Variants in GLRX3 observed in about 807,000 individuals in gnomAD.
The protein encoded by GLRX3 is glutaredoxin 3.
A neutral mutation model predicts 49.5 loss-of-function variants in GLRX3; 22 were observed. The ratio of observed to expected loss-of-function variants is 0.44; its 90% confidence interval spans 0.32 to 0.63. The LOEUF (loss-of-function observed/expected upper bound fraction) is 0.63. GLRX3 is among the 30% of genes least tolerant of loss of function. The probability of loss-of-function intolerance (pLI) is 0.05; values close to 1 mark genes in which losing one functional copy is unlikely to be tolerated. For synonymous variants in GLRX3, 133 were observed against 140.0 expected (o/e 0.95, Z 0.35); for missense variants, 385 against 396.3 (o/e 0.97, Z 0.24).
intron 4 of GLRX3, among the ~76,000 whole-genome samples, chr10:130,162,441 C>G (rs1032211974): frequency 6.6e-6 from 1 of 152,140 alleles, no homozygotes; most frequent in Admixed American, 6.5e-5. Context: ...TTGTTTTTAA[C>G]GGGGGTTGCA....
At position 130,151,070 on chromosome 10, in the gene GLRX3, G is replaced by A. The variant is rs560329668; in HGVS notation, c.201+5751G>A. Among the ~76,000 whole-genome samples the A allele has an allele frequency of 2.3e-4, 35 of 152,118 alleles. No individual in the cohort carries two copies. The East Asian group carries it at 6.4e-3, about 28-fold the overall frequency. ...AGCCTCCTGAGTAGCTGGGATTACA[G>A]GTGTGTGCCACCACTCCTGGCTAAT... On this transcript the variant is annotated intron_variant, in intron 2 of 10. Transcript: ENST00000331244.
chr10:130,137,131 TCTTCAGACTTAAC>T (rs1189856608), intron 1 of GLRX3, among the ~76,000 whole-genome samples: 4 of 152,252 alleles, frequency 2.6e-5, no homozygotes, highest in Non-Finnish European at 5.9e-5. Flanking sequence ...GTAGCCTCAG[TCTTCAGACTTAAC>T]CTGTTGCCGG....
chr10:130,150,257 A>C (rs112729435), intron 2 of GLRX3, among the ~76,000 whole-genome samples: 1 of 147,996 alleles, frequency 6.8e-6, no homozygotes, highest in African/African-American at 2.5e-5. Flanking sequence ...AAAAAAAAAG[A>C]AAGAAAGAAA....
rs543637405 is a variant in GLRX3, at chr10:130,154,436, G to C, written c.202-5559G>C. Among the ~76,000 whole-genome samples the C allele has an allele frequency of 2.6e-5, 4 of 152,310 alleles. No individual in the cohort carries two copies. The South Asian group carries it at 8.3e-4, about 32-fold the overall frequency. On this transcript the variant is annotated intron_variant, in intron 2 of 10. Transcript: ENST00000331244. ...TGCATTGATCTCGCTGGGAGCTGCA[G>C]ACTAGAGCTGTTCCTATTTGGCCAT...
chr10:130,149,405 G>A (rs1230316719), intron 2 of GLRX3, among the ~76,000 whole-genome samples: 1 of 150,898 alleles, frequency 6.6e-6, no homozygotes, highest in Non-Finnish European at 1.5e-5. Flanking sequence ...TCGCGCTACT[G>A]CACTCCGGCC....
intron 10 of GLRX3, 60 bp from the exon 11 acceptor site, chr10:130,179,282 G>A: frequency 1.3e-6 from 1 of 789,984 alleles, no homozygotes; most frequent in East Asian, 2.6e-5. Context: ...TGATTGTTTA[G>A]ATGTTTCCAT....
At chr10:130,159,443 A>G (rs1442389460) in intron 2 of GLRX3, among the ~76,000 whole-genome samples, 2 of 152,238 alleles carry the variant, frequency 1.3e-5, no homozygotes, top group South Asian at 2.1e-4. Context: ...ACCTAGCAAG[A>G]TATCTGCCTA....
chr10:130,137,215 G>C (rs1862074432), intron 1 of GLRX3, among the ~76,000 whole-genome samples: 1 of 152,224 alleles, frequency 6.6e-6, no homozygotes, highest in African/African-American at 2.4e-5. Context: ...TTTGGCGCCG[G>C]TGTCCAGGTC....
At position 130,169,450 on chromosome 10, in the gene GLRX3, A is replaced by G. The variant is rs200514567; in HGVS notation, c.731A>G (p.Asn244Ser). 3.7e-6 allele frequency: 6 copies of G among 1,611,590 alleles called. No individual in the cohort carries two copies. In the East Asian group the frequency reaches 8.9e-5, roughly 24 times the overall value. Residue 244 changes from asparagine (N) to serine (S), a missense_variant, in exon 7 of 11, where the codon AAT becomes AGT. Transcript: ENST00000331244. ...CTCTTTAGGCTCAAAGTGCTGACAA[A>G]TAAAGCTTCTGTGATGCTCTTTATG... ...KLEERLKVLT[N>S]KASVMLFMKG... is the part of the protein sequence containing the mutation.
chr10:130,169,985 G>A (rs995206713), intron 7 of GLRX3, among the ~76,000 whole-genome samples: 1 of 152,174 alleles, frequency 6.6e-6, no homozygotes, highest in South Asian at 2.1e-4. Flanking sequence ...TAATGGGATG[G>A]TTCTTACAGC....
At chr10:130,176,078 G>A (rs933933587) in intron 10 of GLRX3, among the ~76,000 whole-genome samples, 1 of 151,480 alleles carries the variant, frequency 6.6e-6, no homozygotes, top group Non-Finnish European at 1.5e-5. Flanking sequence ...CAAATAGCAA[G>A]TAGTACTACT....
chr10:130,144,847 T>C lies in GLRX3; in HGVS notation c.93-364T>C, dbSNP rs867670928. 6.3e-4 allele frequency among the ~76,000 whole-genome samples: 96 copies of C among 152,324 alleles called. No homozygotes were observed. The Middle Eastern group carries it at 0.041, about 65-fold the overall frequency. On this transcript the variant is annotated intron_variant, in intron 1 of 10. Coordinates refer to ENST00000331244, the MANE Select transcript of GLRX3 (RefSeq NM_006541.5). ...CCAGTAATGGGATTGCTGGGTCAAA[T>C]GGTATTTCTGGTTCTAGATCCTTGA...
intron 8 of GLRX3, among the ~76,000 whole-genome samples, chr10:130,172,048 ATCTT>A (rs958651513): frequency 3.3e-5 from 5 of 152,190 alleles, no homozygotes; most frequent in South Asian, 4.1e-4. Flanking sequence ...ACATATCTGT[ATCTT>A]TCTTTATTTT....
At chr10:130,137,620 G>A (rs1027335923) in intron 1 of GLRX3, among the ~76,000 whole-genome samples, 1 of 152,172 alleles carries the variant, frequency 6.6e-6, no homozygotes, top group South Asian at 2.1e-4. Flanking sequence ...ATGAGATGAC[G>A]TATGTAAAAT....
intron 4 of GLRX3, among the ~76,000 whole-genome samples, chr10:130,164,818 C>A (rs1486750552): frequency 6.6e-6 from 1 of 152,142 alleles, no homozygotes; most frequent in African/African-American, 2.4e-5. Flanking sequence ...CAGCCAGTTA[C>A]AGTAAAAATG....
In GLRX3 at chr10:130,139,163, T is replaced by C. The variant is rs1862125568; in HGVS notation, c.92+2651T>C. Among the ~76,000 whole-genome samples, 5 of 151,480 alleles carry C rather than the reference T, an allele frequency of 3.3e-5. No individual in the cohort carries two copies. In the South Asian group the frequency reaches 1.0e-3, roughly 32 times the overall value. ...AGCCACTGCGCCCGGCCAAAATGGA[T>C]AAAAGTTTAAATGTAAGTACCATTT... On this transcript the variant is annotated intron_variant, in intron 1 of 10. Coordinates refer to ENST00000331244, the MANE Select transcript of GLRX3 (RefSeq NM_006541.5).
chr10:130,166,498 T>C lies in GLRX3; in HGVS notation c.479-9T>C, dbSNP rs375832879. Reference sequence around the variant, plus strand: ...AAGTTAAGTGCTTTATTTCTTTTTTTGTGTACAGGTTTCAGCAAGCAGATG... The same window carrying C: ...AAGTTAAGTGCTTTATTTCTTTTTTCGTGTACAGGTTTCAGCAAGCAGATG... On this transcript the variant is annotated splice_polypyrimidine_tract_variant and intron_variant, in intron 4 of 10. Coordinates refer to ENST00000331244, the MANE Select transcript of GLRX3 (RefSeq NM_006541.5). 3.2e-5 allele frequency: 51 copies of C among 1,607,796 alleles called. 1 individual carries two copies. The East Asian group carries it at 3.6e-4, about 11-fold the overall frequency.
At chr10:130,173,881 G>C (rs1313434526) in intron 8 of GLRX3, among the ~76,000 whole-genome samples, 1 of 152,020 alleles carries the variant, frequency 6.6e-6, no homozygotes, top group Non-Finnish European at 1.5e-5. Context: ...TTGGGAACTT[G>C]TTTACTAAAT....
At chr10:130,150,133 G>A (rs536061622) in intron 2 of GLRX3, among the ~76,000 whole-genome samples, 14 of 151,370 alleles carry the variant, frequency 9.2e-5, no homozygotes, top group African/African-American at 2.4e-4. Flanking sequence ...CCAGCTAGTC[G>A]GGAGGCTGAG....
Sources: allele counts gnomAD v4.1 joint callset (sites outside exome capture counted in the v4.1 genomes callset), GRCh38; gene constraint gnomAD v4.1.1; transcripts MANE v1.5; gene names NCBI Gene and HGNC (gene_info 2026-07-23, HGNC 2026-07-21).